The following KCNB2 variants were observed in gnomAD, a reference collection of about 807,000 sequenced individuals.
The protein encoded by KCNB2 is potassium voltage-gated channel subfamily B member 2.
In KCNB2, 15 loss-of-function variants were observed where a neutral mutation model predicts 61.5. That is an observed-to-expected ratio of 0.24 (90% confidence interval 0.16 to 0.38). The LOEUF (loss-of-function observed/expected upper bound fraction) is 0.38, where lower values mean the gene tolerates loss of function less well. Ranked by LOEUF, KCNB2 falls within the 10% of genes least tolerant of loss-of-function variation. The pLI, the probability that KCNB2 is intolerant of heterozygous loss-of-function variation, is 1.00. For synonymous variants in KCNB2, 457 were observed against 446.0 expected (o/e 1.02, Z -0.31); for missense variants, 828 against 1,125.2 (o/e 0.74, Z 3.78).
chr8:72,598,402 G>A (rs552941359), intron 2 of KCNB2, among the ~76,000 whole-genome samples: 186 of 152,200 alleles, frequency 1.2e-3, no homozygotes, highest in African/African-American at 3.7e-3. Context: ...ATTCAACAAC[G>A]CTTCATGCTA....
chr8:72,837,893 G>A (rs979348349), intron 2 of KCNB2, among the ~76,000 whole-genome samples: 1 of 152,022 alleles, frequency 6.6e-6, no homozygotes, highest in African/African-American at 2.4e-5. Flanking sequence ...AAATATGTTA[G>A]CAAAAGTTAG....
At chr8:72,642,354 G>C (rs893614429) in intron 2 of KCNB2, among the ~76,000 whole-genome samples, 3 of 151,966 alleles carry the variant, frequency 2.0e-5, no homozygotes, top group Admixed American at 2.0e-4. Context: ...TTAAAAAGAT[G>C]ACTGTTAGAA....
chr8:72,920,863 TA>T (rs1699189872), intron 2 of KCNB2, among the ~76,000 whole-genome samples: 3 of 151,804 alleles, frequency 2.0e-5, no homozygotes, highest in Non-Finnish European at 4.4e-5. Context: ...AAGCAGTCAA[TA>T]AAAGATCAAA....
intron 2 of KCNB2, among the ~76,000 whole-genome samples, chr8:72,869,932 A>G (rs1468920053): frequency 6.6e-6 from 1 of 152,216 alleles, no homozygotes; most frequent in Non-Finnish European, 1.5e-5. Flanking sequence ...CAAGGCATGG[A>G]AACCACCTAA....
At chr8:72,874,271 C>A (rs6983544) in intron 2 of KCNB2, among the ~76,000 whole-genome samples, 11,216 of 152,060 alleles carry the variant, frequency 0.074, 1,367 homozygotes, top group African/African-American at 0.25. Context: ...GGGACTGATC[C>A]GAATTAGTTG....
At chr8:72,561,420 A>T (rs779133810) in intron 1 of KCNB2, among the ~76,000 whole-genome samples, 2 of 151,532 alleles carry the variant, frequency 1.3e-5, no homozygotes, top group East Asian at 3.9e-4. Flanking sequence ...CTCCCAAAAA[A>T]GTTCTATTTT....
At chr8:72,660,595 G>A (rs1160258930) in intron 2 of KCNB2, 5 of 152,108 alleles carry the variant, frequency 3.3e-5, no homozygotes, top group African/African-American at 1.2e-4. Context: ...TCTCTTTTTA[G>A]GTTATTGAGA....
chr8:72,578,288 G>A (rs1806836150), intron 2 of KCNB2, among the ~76,000 whole-genome samples: 1 of 152,124 alleles, frequency 6.6e-6, no homozygotes, highest in Non-Finnish European at 1.5e-5. Context: ...AAAAACGTTA[G>A]TAGGTAATCT....
intron 2 of KCNB2, among the ~76,000 whole-genome samples, chr8:72,923,777 G>A (rs1226117977): frequency 6.6e-6 from 1 of 152,132 alleles, no homozygotes; most frequent in Admixed American, 6.5e-5. Context: ...TGTCAAATAG[G>A]ACGTAATAAG....
intron 2 of KCNB2, among the ~76,000 whole-genome samples, chr8:72,837,828 CT>C (rs5892371): frequency 0.8 from 120,332 of 151,134 alleles, 48,420 homozygotes; most frequent in Middle Eastern, 0.93. Context: ...AACTTCAATC[CT>C]TTTTTTAAAA....
intron 2 of KCNB2, among the ~76,000 whole-genome samples, chr8:72,654,488 T>C (rs1222187342): frequency 3.3e-5 from 5 of 152,174 alleles, no homozygotes; most frequent in African/African-American, 1.2e-4. Flanking sequence ...TAAATGTAAT[T>C]GTATTCTAAT....
chr8:72,639,609 C>T (rs1340312271), intron 2 of KCNB2, among the ~76,000 whole-genome samples: 1 of 151,988 alleles, frequency 6.6e-6, no homozygotes. Flanking sequence ...TGCAGGGGTA[C>T]GAGGGAATCT....
At chr8:72,673,563 A>G (rs532528340) in intron 2 of KCNB2, among the ~76,000 whole-genome samples, 1 of 152,354 alleles carries the variant, frequency 6.6e-6, no homozygotes, top group South Asian at 2.1e-4. Flanking sequence ...TAGCAGTGTA[A>G]GAACAGACTA....
At chr8:72,638,605 C>T (rs1159741352) in intron 2 of KCNB2, among the ~76,000 whole-genome samples, 2 of 152,046 alleles carry the variant, frequency 1.3e-5, no homozygotes, top group Non-Finnish European at 2.9e-5. Context: ...TTGGAACTAC[C>T]ATCTAATTTC....
intron 2 of KCNB2, among the ~76,000 whole-genome samples, chr8:72,650,149 G>GA (rs1425848258): frequency 3.3e-5 from 5 of 152,076 alleles, no homozygotes; most frequent in Admixed American, 6.6e-5. Context: ...TGTTTGTGGG[G>GA]AAAAAATAGT....
At chr8:72,926,061 C>T (rs888579329) in intron 2 of KCNB2, among the ~76,000 whole-genome samples, 1 of 152,142 alleles carries the variant, frequency 6.6e-6, no homozygotes, top group Non-Finnish European at 1.5e-5. Context: ...CACATGGACA[C>T]ATTGTGGGGA....
chr8:72,762,479 T>G (rs1808396930), intron 2 of KCNB2, among the ~76,000 whole-genome samples: 1 of 152,176 alleles, frequency 6.6e-6, no homozygotes, highest in Non-Finnish European at 1.5e-5. Context: ...TACTCAAATA[T>G]GTGGTTGAAT....
intron 2 of KCNB2, among the ~76,000 whole-genome samples, chr8:72,631,832 C>T (rs1805886475): frequency 6.6e-6 from 1 of 152,106 alleles, no homozygotes; most frequent in African/African-American, 2.4e-5. Flanking sequence ...GGTCTTCAGC[C>T]TTGTGCTCCT....
At chr8:72,858,135 T>C (rs890145440) in intron 2 of KCNB2, among the ~76,000 whole-genome samples, 8 of 152,178 alleles carry the variant, frequency 5.3e-5, no homozygotes, top group Non-Finnish European at 8.8e-5. Context: ...CCTTTCTACA[T>C]GCATAGGTAG....
Sources: gnomAD v4.1 joint callset for allele counts (sites outside exome capture counted in the v4.1 genomes callset) on GRCh38, gnomAD v4.1.1 for gene constraint, MANE v1.5 for transcripts, NCBI Gene and HGNC (gene_info 2026-07-23, HGNC 2026-07-21) for gene names.